Variants in RNF168 observed in about 807,000 individuals in gnomAD.
The protein encoded by RNF168 is E3 ubiquitin-protein ligase RNF168.
In RNF168, 34 loss-of-function variants were observed where a neutral mutation model predicts 34.9. That is an observed-to-expected ratio of 0.97 (90% CI 0.74 to 1.30). The LOEUF is 1.30. RNF168 is among the 50% of genes most tolerant of loss of function. The probability of loss-of-function intolerance (pLI) is 0.00; values close to 1 mark genes in which losing one functional copy is unlikely to be tolerated. For missense variants in RNF168, 725 were observed against 682.5 expected (o/e 1.06, Z -0.69); for synonymous variants, 264 against 254.7 (o/e 1.04, Z -0.35).
chr3:196,499,039 C>T (rs1732817150), intron 1 of RNF168, among the ~76,000 whole-genome samples: 1 of 151,930 alleles, frequency 6.6e-6, no homozygotes, highest in South Asian at 2.1e-4. Context: ...GAATAACCCC[C>T]CAAAAGATAT....
At position 196,487,437 on chromosome 3, in the gene RNF168, T is replaced by C. The variant is rs1732483023; in HGVS notation, c.520A>G (p.Ser174Gly). 1 of 1,614,168 alleles carries C rather than the reference T, an allele frequency of 6.2e-7. No homozygotes were observed. Among genetic ancestry groups the C allele is most frequent in the Non-Finnish European group, 8.5e-7 (1 of 1,179,984 alleles). Residue 174 changes from serine to glycine, a missense_variant, in exon 3 of 6, where the codon AGT becomes GGT. Ser to Gly is a moderately conservative substitution (Grantham distance 56). Transcript: ENST00000318037. ...RRRAMEEQLK[S>G]DEELARKLSI... ...AGCTTTCTTGCCAGTTCCTCATCACTTTTCAGTTGTTCTTCCATCGCTCTT... is the reference window on the plus strand; with the variant it reads ...AGCTTTCTTGCCAGTTCCTCATCACCTTTCAGTTGTTCTTCCATCGCTCTT...
At chr3:196,477,912 C>T (rs917170904) in intron 4 of RNF168, among the ~76,000 whole-genome samples, 2 of 151,706 alleles carry the variant, frequency 1.3e-5, no homozygotes, top group African/African-American at 4.9e-5. Flanking sequence ...AGACCCATCT[C>T]TACAAAAAAT....
chr3:196,478,877 C>T (rs900444728), intron 4 of RNF168, among the ~76,000 whole-genome samples: 1 of 150,020 alleles, frequency 6.7e-6, no homozygotes, highest in African/African-American at 2.5e-5. Flanking sequence ...GAATGCCTGA[C>T]CTCAGAAGTA....
chr3:196,490,700 C>A (rs908622653), intron 1 of RNF168, among the ~76,000 whole-genome samples: 5 of 152,040 alleles, frequency 3.3e-5, no homozygotes, highest in Admixed American at 2.0e-4. Context: ...AACATGCACA[C>A]AGGATTCCTA....
Position 196,483,834 on chromosome 3 carries a change from G to C in RNF168, c.616C>G (p.Pro206Ala), listed in dbSNP as rs747453569. Reference sequence around the variant, plus strand: ...TTCTTTTCAGACTTGGGTGTAACTGGATCAGATTTTCTGGAATTCAAGGGA... The same window carrying C: ...TTCTTTTCAGACTTGGGTGTAACTGCATCAGATTTTCTGGAATTCAAGGGA... The part of the protein sequence containing the change: ...ASPLNSRKSD[P>A]VTPKSEKKSK... Residue 206 changes from proline (P) to alanine (A), a missense_variant, in exon 4 of 6, where the codon CCA becomes GCA. Transcript: ENST00000318037. The C allele has an allele frequency of 5.6e-6, 9 of 1,607,918 alleles. No individual in the cohort carries two copies. The highest frequency in any genetic ancestry group is 6.8e-6 in the Non-Finnish European group (8 of 1,174,436).
At chr3:196,501,613 A>G (rs1216944083) in intron 1 of RNF168, among the ~76,000 whole-genome samples, 3 of 152,174 alleles carry the variant, frequency 2.0e-5, no homozygotes. Context: ...ATCTGGGGTG[A>G]TGAAAAGTTC....
chr3:196,495,609 G>A (rs1732723369), intron 1 of RNF168, among the ~76,000 whole-genome samples: 1 of 152,154 alleles, frequency 6.6e-6, no homozygotes, highest in African/African-American at 2.4e-5. Context: ...CAGGAGGACC[G>A]CAATGTTTGT....
At chr3:196,496,883 G>A (rs1190387755) in intron 1 of RNF168, among the ~76,000 whole-genome samples, 4 of 152,156 alleles carry the variant, frequency 2.6e-5, no homozygotes, top group Admixed American at 6.5e-5. Flanking sequence ...GATGGCTCAC[G>A]CCTGTAATCC....
chr3:196,472,179 T>C lies in RNF168; in HGVS notation c.1356A>G (p.Gln452=), dbSNP rs767363466. The C allele has an allele frequency of 2.0e-5, 33 of 1,613,954 alleles. No homozygotes were observed. The South Asian group carries it at 3.6e-4, about 18-fold the overall frequency. ...QEEQDRLLAL[Q]LQKEVDKEQM... ...GCTCTTTATCCACCTCCTTCTGAAGTTGTAATGCCAATAACCTGTCCTGTT... is the reference window on the plus strand; with the variant it reads ...GCTCTTTATCCACCTCCTTCTGAAGCTGTAATGCCAATAACCTGTCCTGTT... The change falls in exon 6 of 6, where the codon CAA becomes CAG. Residue 452 remains glutamine, a synonymous_variant. Transcript: ENST00000318037.
chr3:196,491,035 C>T (rs1056927832), intron 1 of RNF168, among the ~76,000 whole-genome samples: 3 of 152,218 alleles, frequency 2.0e-5, no homozygotes, highest in Non-Finnish European at 4.4e-5. Flanking sequence ...TTAAAGTAAG[C>T]TGGGAGCGGT....
intron 4 of RNF168, among the ~76,000 whole-genome samples, chr3:196,482,049 C>T (rs1183888107): frequency 2.0e-5 from 3 of 151,116 alleles, no homozygotes; most frequent in African/African-American, 7.3e-5. Flanking sequence ...TTAAGCAATC[C>T]TCCTGCCTCA....
At chr3:196,493,017 T>C (rs1732634170) in intron 1 of RNF168, among the ~76,000 whole-genome samples, 1 of 151,940 alleles carries the variant, frequency 6.6e-6, no homozygotes, top group Non-Finnish European at 1.5e-5. Context: ...AAGAAGAACA[T>C]ATGAGATAAA....
intron 1 of RNF168, among the ~76,000 whole-genome samples, chr3:196,490,749 G>C (rs1274461291): frequency 6.6e-6 from 1 of 152,148 alleles, no homozygotes; most frequent in African/African-American, 2.4e-5. Flanking sequence ...CTGCAACAGA[G>C]AGACTAAAAA....
chr3:196,492,986 AAAAC>A lies in RNF168; in HGVS notation c.302-4307_302-4304del, dbSNP rs577267787. ...TTCAAGGTGGATTAAAAAATGGAAAAAAACAAAACTATAAACGACTAAGAAGAAC... is the reference window on the plus strand; with the variant it reads ...TTCAAGGTGGATTAAAAAATGGAAAAAAAACTATAAACGACTAAGAAGAAC... On this transcript the variant is annotated intron_variant, in intron 1 of 5. Transcript: ENST00000318037. 1.8e-4 allele frequency among the ~76,000 whole-genome samples: 28 copies of A among 152,260 alleles called. No individual in the cohort carries two copies. The South Asian group carries it at 5.2e-3, about 28-fold the overall frequency.
Position 196,503,011 on chromosome 3 carries a change from G to C in RNF168, c.163C>G (p.Arg55Gly). The change falls in exon 1 of 6, where the codon CGC becomes GGC. Residue 55 changes from arginine to glycine, a missense_variant. Coordinates refer to ENST00000318037, the MANE Select transcript of RNF168 (RefSeq NM_152617.4). Reference sequence around the variant, plus strand: ...CGAGTCCACGACGATACCCGGCGGCGACAGAAGGGACAGCATAAACTCGCC... The same window carrying C: ...CGAGTCCACGACGATACCCGGCGGCCACAGAAGGGACAGCATAAACTCGCC... Reference protein sequence around the residue: ...EKASLCCPFCRRRVSSWTRYH... With the variant: ...EKASLCCPFCGRRVSSWTRYH... 3 of 1,614,088 alleles carry C rather than the reference G, an allele frequency of 1.9e-6. No homozygotes were observed. Among genetic ancestry groups the C allele is most frequent in the Non-Finnish European group, 2.5e-6 (3 of 1,180,020 alleles).
At position 196,472,456 on chromosome 3, in the gene RNF168, C is replaced by T. The variant is rs761779258; in HGVS notation, c.1079G>A (p.Gly360Glu). Residue 360 changes from glycine to glutamate, a missense_variant, in exon 6 of 6, where the codon GGG (glycine) becomes GAG (glutamate). Coordinates refer to ENST00000318037, the MANE Select transcript of RNF168 (RefSeq NM_152617.4). Reference sequence around the variant, plus strand: ...GTTGTTTCCATTTGTCTGTGTCACCCCTGATGTGGGGGCGCACCCACTTTC... The same window carrying T: ...GTTGTTTCCATTTGTCTGTGTCACCTCTGATGTGGGGGCGCACCCACTTTC... ...RTESGCAPTS[G>E]VTQTNGNNTG... 6 of 1,613,988 alleles carry T rather than the reference C, an allele frequency of 3.7e-6. No individual in the cohort carries two copies. In the South Asian group the frequency reaches 4.4e-5, roughly 12 times the overall value.
intron 5 of RNF168, among the ~76,000 whole-genome samples, chr3:196,473,604 C>T (rs1732067812): frequency 6.6e-6 from 1 of 152,134 alleles, no homozygotes; most frequent in African/African-American, 2.4e-5. Context: ...CCTGTAATCA[C>T]AGCACTTCCG....
At position 196,469,546 on chromosome 3, in the gene RNF168, A is replaced by C. The variant is rs1006017184; in HGVS notation, c.*2273T>G. On this transcript the variant is annotated 3_prime_UTR_variant, in exon 6 of 6. Transcript: ENST00000318037. Reference sequence around the variant, plus strand: ...GGACATTTTATCTTATTTTCACATTAAAAGAATAGATTACTAGATATCAGC... The same window carrying C: ...GGACATTTTATCTTATTTTCACATTCAAAGAATAGATTACTAGATATCAGC... The C allele has an allele frequency of 6.6e-6, 1 of 152,248 alleles. No individual in the cohort carries two copies. Among genetic ancestry groups the C allele is most frequent in the African/African-American group, 2.4e-5 (1 of 41,480 alleles). 9.4% of individuals were successfully genotyped at this position (152,248 alleles called of 1,614,324 possible).
At chr3:196,480,242 A>C (rs1732254067) in intron 4 of RNF168, among the ~76,000 whole-genome samples, 1 of 152,186 alleles carries the variant, frequency 6.6e-6, no homozygotes, top group African/African-American at 2.4e-5. Flanking sequence ...ATTAAAAACA[A>C]AACAAAAAAA....
Sources: gnomAD v4.1 joint callset for allele counts (sites outside exome capture counted in the v4.1 genomes callset) on GRCh38, gnomAD v4.1.1 for gene constraint, MANE v1.5 for transcripts, NCBI Gene and HGNC (gene_info 2026-07-23, HGNC 2026-07-21) for gene names.